The following NDUFS4 variants were observed in gnomAD, a reference collection of about 807,000 sequenced individuals.
NDUFS4 encodes the protein NADH dehydrogenase [ubiquinone] iron-sulfur protein 4, mitochondrial.
NDUFS4 carries 28 observed loss-of-function variants against 24.3 expected under a neutral mutation model. The observed-to-expected ratio is 1.15, with a 90% CI of 0.85 to 1.58. The LOEUF (loss-of-function observed/expected upper bound fraction) is 1.58. NDUFS4 is among the 40% of genes most tolerant of loss of function. The probability of loss-of-function intolerance (pLI) is 0.00; values close to 1 mark genes in which losing one functional copy is unlikely to be tolerated. For missense variants in NDUFS4, 223 were observed against 207.9 expected (o/e 1.07, Z -0.45); for synonymous variants, 93 against 69.7 (o/e 1.34, Z -1.67).
At chr5:53,645,547 C>G (rs778582363) in intron 2 of NDUFS4, among the ~76,000 whole-genome samples, 1 of 152,080 alleles carries the variant, frequency 6.6e-6, no homozygotes, top group African/African-American at 2.4e-5. Context: ...ATAGAAAAAT[C>G]GAGTTAAAGT....
intron 1 of NDUFS4, among the ~76,000 whole-genome samples, chr5:53,573,894 A>T (rs769125476): frequency 6.6e-6 from 1 of 152,178 alleles, no homozygotes; most frequent in Non-Finnish European, 1.5e-5. Flanking sequence ...ATCCAGCCTA[A>T]ATTTTATTTT....
intron 1 of NDUFS4, among the ~76,000 whole-genome samples, chr5:53,588,195 G>A (rs561450844): frequency 6.6e-6 from 1 of 152,236 alleles, no homozygotes; most frequent in South Asian, 2.1e-4. Context: ...GTAGCATTAT[G>A]TCTAAAAAAC....
chr5:53,671,466 T>A (rs1449451858), intron 4 of NDUFS4, among the ~76,000 whole-genome samples: 1 of 152,176 alleles, frequency 6.6e-6, no homozygotes, highest in African/African-American at 2.4e-5. Flanking sequence ...ATACCCCTGA[T>A]TCTTTTAGCC....
chr5:53,608,337 T>C (rs576664567), intron 2 of NDUFS4, among the ~76,000 whole-genome samples: 14 of 152,214 alleles, frequency 9.2e-5, no homozygotes, highest in African/African-American at 3.1e-4. Flanking sequence ...AAGGTTGGGG[T>C]GGCTGTGGTA....
intron 2 of NDUFS4, among the ~76,000 whole-genome samples, chr5:53,629,744 C>G (rs1225474779): frequency 1.3e-5 from 2 of 151,958 alleles, no homozygotes; most frequent in Admixed American, 6.6e-5. Flanking sequence ...AGATCTTTCT[C>G]TATCCCTTTA....
intron 4 of NDUFS4, among the ~76,000 whole-genome samples, chr5:53,682,062 T>C (rs1379933691): frequency 6.6e-6 from 1 of 152,112 alleles, no homozygotes; most frequent in African/African-American, 2.4e-5. Context: ...AATTAGATGT[T>C]TCAAGATGTT....
chr5:53,596,197 G>A (rs1351515940), intron 1 of NDUFS4, among the ~76,000 whole-genome samples: 2 of 151,988 alleles, frequency 1.3e-5, no homozygotes, highest in Non-Finnish European at 2.9e-5. Context: ...TTGGGAGGCC[G>A]AGGCAGGAGG....
intron 1 of NDUFS4, among the ~76,000 whole-genome samples, chr5:53,593,480 C>G (rs889505855): frequency 6.6e-6 from 1 of 151,558 alleles, no homozygotes; most frequent in Admixed American, 6.6e-5. Flanking sequence ...AGTTTTAATG[C>G]TCTTTTCAAA....
At chr5:53,619,486 CAAAAAAA>C (rs70983366) in intron 2 of NDUFS4, among the ~76,000 whole-genome samples, 4 of 49,106 alleles carry the variant, frequency 8.1e-5, no homozygotes, top group South Asian at 2.0e-3. Flanking sequence ...GACTCTGTCT[CAAAAAAA>C]AAAAAAAAAA....
At chr5:53,627,316 A>G (rs1455517117) in intron 2 of NDUFS4, among the ~76,000 whole-genome samples, 5 of 152,174 alleles carry the variant, frequency 3.3e-5, no homozygotes, top group African/African-American at 1.2e-4. Context: ...AGGTAGCATG[A>G]TACCTCTAGC....
intron 2 of NDUFS4, among the ~76,000 whole-genome samples, chr5:53,605,883 G>A (rs1347524195): frequency 6.6e-6 from 1 of 152,098 alleles, no homozygotes; most frequent in Non-Finnish European, 1.5e-5. Context: ...GCGTGGCGGT[G>A]TGTGTCTGTA....
At chr5:53,613,504 A>G (rs1750758531) in intron 2 of NDUFS4, among the ~76,000 whole-genome samples, 1 of 151,886 alleles carries the variant, frequency 6.6e-6, no homozygotes. Context: ...CAAAATGCCT[A>G]TTTTTATTCT....
At chr5:53,669,604 CT>C (rs1370071831) in intron 4 of NDUFS4, among the ~76,000 whole-genome samples, 1 of 152,056 alleles carries the variant, frequency 6.6e-6, no homozygotes, top group East Asian at 1.9e-4. Flanking sequence ...ATGGTTTTCT[CT>C]TTTACCTTTT....
chr5:53,646,525 CTGT>C lies in NDUFS4; in HGVS notation c.350+122_350+124del, dbSNP rs1358225493. ...ATGCTTATGACAGTACTTTTTGACG[CTGT>C]TAAGTACCACTGTGCTCAAAGATAC... is the stretch of plus-strand genomic sequence containing the variant. On this transcript the variant is annotated intron_variant, in intron 3 of 4. Coordinates refer to ENST00000296684, the MANE Select transcript of NDUFS4 (RefSeq NM_002495.4). 6.0e-6 allele frequency: 6 copies of C among 993,164 alleles called. No homozygotes were observed. The African/African-American group carries it at 9.8e-5, about 16-fold the overall frequency. 61.5% of individuals were successfully genotyped at this position (993,164 alleles called of 1,614,324 possible). A position where few individuals can be genotyped will look rare whatever the true frequency, so the allele number is the denominator to read the frequency against.
chr5:53,595,084 C>G (rs1222369147), intron 1 of NDUFS4, among the ~76,000 whole-genome samples: 1 of 152,072 alleles, frequency 6.6e-6, no homozygotes, highest in Admixed American at 6.6e-5. Context: ...ATCTACAGAT[C>G]TGCATAGTCT....
chr5:53,585,009 C>G (rs1749700764), intron 1 of NDUFS4, among the ~76,000 whole-genome samples: 1 of 152,120 alleles, frequency 6.6e-6, no homozygotes, highest in African/African-American at 2.4e-5. Context: ...CTCAAGTGAT[C>G]TACCCACCTC....
At chr5:53,616,766 T>C (rs1750851852) in intron 2 of NDUFS4, among the ~76,000 whole-genome samples, 1 of 152,130 alleles carries the variant, frequency 6.6e-6, no homozygotes, top group Non-Finnish European at 1.5e-5. Context: ...AGAAAAGTGG[T>C]TTGATCCGAT....
chr5:53,611,760 G>A (rs72751867), intron 2 of NDUFS4, among the ~76,000 whole-genome samples: 14,047 of 151,800 alleles, frequency 0.093, 773 homozygotes, highest in Middle Eastern at 0.13. Context: ...TTATTATGAG[G>A]GTAACTTTTT....
At chr5:53,619,255 G>A (rs1033252252) in intron 2 of NDUFS4, among the ~76,000 whole-genome samples, 1 of 150,614 alleles carries the variant, frequency 6.6e-6, no homozygotes, top group African/African-American at 2.4e-5. Flanking sequence ...TGGATCAGGA[G>A]TTCAAGACCA....
Sources: allele counts gnomAD v4.1 joint callset (sites outside exome capture counted in the v4.1 genomes callset), GRCh38; gene constraint gnomAD v4.1.1; transcripts MANE v1.5; gene names NCBI Gene and HGNC (gene_info 2026-07-23, HGNC 2026-07-21).